PARD3: variants seen among roughly 807,000 people sequenced by gnomAD.
The protein encoded by PARD3 is partitioning defective 3 homolog.
Under a neutral mutation model 155.4 loss-of-function variants are expected in PARD3, and 75 were observed. The ratio of observed to expected loss-of-function variants is 0.48; its 90% CI spans 0.40 to 0.58. PARD3 has a LOEUF of 0.58. Among genes scored for constraint, PARD3 ranks in the 20% least tolerant of loss-of-function variants. The probability of loss-of-function intolerance (pLI) is 0.00; values close to 1 mark genes in which losing one functional copy is unlikely to be tolerated. For synonymous variants in PARD3, 576 were observed against 610.5 expected (o/e 0.94, Z 0.83); for missense variants, 1,642 against 1,721.7 (o/e 0.95, Z 0.82).
intron 4 of PARD3, among the ~76,000 whole-genome samples, chr10:34,455,265 C>T (rs915938079): frequency 6.6e-6 from 1 of 152,046 alleles, no homozygotes. Flanking sequence ...ATACTCAATG[C>T]ATATACATTT....
chr10:34,332,577 A>T (rs1835729928), intron 18 of PARD3, among the ~76,000 whole-genome samples: 1 of 152,204 alleles, frequency 6.6e-6, no homozygotes. Context: ...TGAAAGACTC[A>T]AAACAAAATT....
intron 1 of PARD3, among the ~76,000 whole-genome samples, chr10:34,814,258 G>C (rs1399591280): frequency 2.0e-5 from 3 of 152,046 alleles, no homozygotes; most frequent in African/African-American, 7.2e-5. Flanking sequence ...ACCCCAAGCC[G>C]GCGACTCCCC....
chr10:34,639,318 C>T (rs2092590173), intron 2 of PARD3, among the ~76,000 whole-genome samples: 1 of 151,646 alleles, frequency 6.6e-6, no homozygotes, highest in Admixed American at 6.6e-5. Flanking sequence ...ATCCCTTGAA[C>T]ACAGGAGGCA....
Position 34,383,390 on chromosome 10 carries a change from TACACACACAC to T in PARD3, c.1017-478_1017-469del, listed in dbSNP as rs3040371. 8.1e-3 allele frequency among the ~76,000 whole-genome samples: 1,221 copies of T among 150,250 alleles called. 19 individuals are homozygous for T. The highest frequency in any genetic ancestry group is 0.029 in the African/African-American group (1,184 of 41,012). On this transcript the variant is annotated intron_variant, in intron 8 of 24. Transcript: ENST00000374788. ...AGATGTGTATTTAAAATTTTTAAAA[TACACACACAC>T]ACACACACACACTTAGAAGACTATA...
intron 2 of PARD3, among the ~76,000 whole-genome samples, chr10:34,652,858 G>A (rs1305663106): frequency 6.6e-6 from 1 of 152,164 alleles, no homozygotes; most frequent in African/African-American, 2.4e-5. Flanking sequence ...AGTTAACAGT[G>A]CGTAAGTGGG....
chr10:34,283,128 G>C (rs557092900), intron 21 of PARD3, among the ~76,000 whole-genome samples: 9 of 152,164 alleles, frequency 5.9e-5, no homozygotes, highest in African/African-American at 2.2e-4. Flanking sequence ...TAAAACTGTT[G>C]TAGGATACTA....
At chr10:34,644,354 T>C (rs900458999) in intron 2 of PARD3, among the ~76,000 whole-genome samples, 4 of 152,340 alleles carry the variant, frequency 2.6e-5, no homozygotes, top group South Asian at 4.1e-4. Flanking sequence ...AACTGCTTCA[T>C]ACAAGCAGCA....
intron 5 of PARD3, among the ~76,000 whole-genome samples, chr10:34,420,792 C>T (rs762235798): frequency 2.0e-5 from 3 of 152,164 alleles, no homozygotes; most frequent in African/African-American, 4.8e-5. Flanking sequence ...TCCCACAGTT[C>T]GGTTTCTTTT....
At chr10:34,231,880 CA>C (rs1301286817) in intron 22 of PARD3, among the ~76,000 whole-genome samples, 3 of 152,012 alleles carry the variant, frequency 2.0e-5, no homozygotes, top group Admixed American at 2.0e-4. Flanking sequence ...TAAAGTAAAA[CA>C]ATACATGTTT....
At chr10:34,798,351 GAGA>G (rs1036007677) in intron 1 of PARD3, among the ~76,000 whole-genome samples, 21 of 151,410 alleles carry the variant, frequency 1.4e-4, no homozygotes, top group Admixed American at 2.0e-4. Flanking sequence ...GAAGGAGAAG[GAGA>G]AGGAGAAAGG....
At position 34,799,431 on chromosome 10, in the gene PARD3, C is replaced by T. The variant is rs182548356; in HGVS notation, c.120+15445G>A. Among the ~76,000 whole-genome samples the T allele has an allele frequency of 2.0e-5, 3 of 152,226 alleles. No individual in the cohort carries two copies. In the East Asian group the frequency reaches 5.8e-4, roughly 29 times the overall value. ...TCCCAAGAGATGCCAGTGCTGCTGGCCCAGAGGCCACACCAGAGAAGCAAG... is the reference window on the plus strand; with the variant it reads ...TCCCAAGAGATGCCAGTGCTGCTGGTCCAGAGGCCACACCAGAGAAGCAAG... On this transcript the variant is annotated intron_variant, in intron 1 of 24. Coordinates refer to ENST00000374788, the MANE Select transcript of PARD3 (RefSeq NM_001184785.2).
At chr10:34,666,502 G>A (rs75082402) in intron 2 of PARD3, among the ~76,000 whole-genome samples, 1,741 of 151,846 alleles carry the variant, frequency 0.011, 35 homozygotes, top group African/African-American at 0.04. Context: ...AGAAAACCCC[G>A]AGCACATTGC....
chr10:34,794,930 C>G (rs1433166907), intron 1 of PARD3, among the ~76,000 whole-genome samples: 3 of 152,258 alleles, frequency 2.0e-5, no homozygotes, highest in Non-Finnish European at 4.4e-5. Context: ...TAAAGATGAC[C>G]ACAAGGCCTT....
At chr10:34,807,686 G>A (rs1259615391) in intron 1 of PARD3, among the ~76,000 whole-genome samples, 2 of 129,128 alleles carry the variant, frequency 1.5e-5, no homozygotes, top group Non-Finnish European at 3.2e-5. Flanking sequence ...GCTTGTGTGT[G>A]TGTGTATATA....
chr10:34,754,971 C>T (rs1373466780), intron 1 of PARD3, among the ~76,000 whole-genome samples: 1 of 152,152 alleles, frequency 6.6e-6, no homozygotes, highest in Non-Finnish European at 1.5e-5. Context: ...TGTAAGAAGT[C>T]CTTAAAGCTT....
At chr10:34,397,956 A>G (rs1843496741) in intron 7 of PARD3, among the ~76,000 whole-genome samples, 1 of 152,254 alleles carries the variant, frequency 6.6e-6, no homozygotes, top group Non-Finnish European at 1.5e-5. Context: ...CACGAAATAA[A>G]GGCAAGGCCA....
At chr10:34,198,715 T>C (rs1951071461) in intron 22 of PARD3, among the ~76,000 whole-genome samples, 1 of 152,150 alleles carries the variant, frequency 6.6e-6, no homozygotes, top group Non-Finnish European at 1.5e-5. Flanking sequence ...CCTGATGTCC[T>C]TTACAGATTA....
intron 2 of PARD3, chr10:34,675,618 AC>A (rs2133285484): frequency 6.4e-6 from 1 of 156,736 alleles, no homozygotes; most frequent in Admixed American, 6.4e-5. Flanking sequence ...AGGAATGTGA[AC>A]CAAAGTTTTA....
At chr10:34,437,644 G>GA (rs2076253792) in intron 5 of PARD3, among the ~76,000 whole-genome samples, 1 of 151,900 alleles carries the variant, frequency 6.6e-6, no homozygotes, top group African/African-American at 2.4e-5. Context: ...GAATAAAAAT[G>GA]AAAAACCCCT....
Sources: gnomAD v4.1 joint callset for allele counts (sites outside exome capture counted in the v4.1 genomes callset) on GRCh38, gnomAD v4.1.1 for gene constraint, MANE v1.5 for transcripts, NCBI Gene and HGNC (gene_info 2026-07-23, HGNC 2026-07-21) for gene names.